The following CTDSPL2 variants were observed in gnomAD, a reference collection of about 807,000 sequenced individuals.
CTDSPL2 encodes the protein CTD small phosphatase-like protein 2.
In CTDSPL2, 5 loss-of-function variants were observed where a neutral mutation model predicts 60.0. That is an observed-to-expected ratio of 0.08 (90% CI 0.04 to 0.18). The LOEUF (loss-of-function observed/expected upper bound fraction) is 0.18. Ranked by LOEUF, CTDSPL2 falls within the 10% of genes least tolerant of loss-of-function variation. The pLI is 1.00. For missense variants in CTDSPL2, 370 were observed against 548.8 expected (o/e 0.67, Z 3.26); for synonymous variants, 186 against 189.3 (o/e 0.98, Z 0.14).
At chr15:44,471,629 T>C (rs1277815626) in intron 2 of CTDSPL2, among the ~76,000 whole-genome samples, 3 of 152,166 alleles carry the variant, frequency 2.0e-5, no homozygotes, top group Non-Finnish European at 4.4e-5. Flanking sequence ...GGCACAGCAC[T>C]ATGTTGTATA....
At position 44,466,494 on chromosome 15, in the gene CTDSPL2, CAT is replaced by C. The variant is rs1266170940; in HGVS notation, c.186+7295_186+7296del. On this transcript the variant is annotated intron_variant, in intron 2 of 12. Coordinates refer to ENST00000260327, the MANE Select transcript of CTDSPL2 (RefSeq NM_016396.3). ...ACACAAGCATGTATTTATATTTAGT[CAT>C]GTGTCACTTGACAATCTGAAATGCA... is the stretch of plus-strand genomic sequence containing the variant. Among the ~76,000 whole-genome samples, 16 of 152,288 alleles carry C rather than the reference CAT, an allele frequency of 1.1e-4. No individual in the cohort carries two copies. In the East Asian group the frequency reaches 2.5e-3, roughly 24 times the overall value.
chr15:44,514,730 G>A (rs760013670), intron 9 of CTDSPL2, 35 bp from the exon 10 acceptor site: 2 of 1,535,002 alleles, frequency 1.3e-6, no homozygotes, highest in South Asian at 2.3e-5. Context: ...TTTAGACCAT[G>A]TATAATGATT....
At chr15:44,518,069 T>G (rs539855597) in intron 10 of CTDSPL2, among the ~76,000 whole-genome samples, 2 of 152,330 alleles carry the variant, frequency 1.3e-5, no homozygotes, top group Admixed American at 1.3e-4. Context: ...GAGTTTTTAT[T>G]TGTGTGTGTA....
At chr15:44,468,614 A>G (rs755345620) in intron 2 of CTDSPL2, among the ~76,000 whole-genome samples, 49 of 152,176 alleles carry the variant, frequency 3.2e-4, no homozygotes, top group Admixed American at 1.2e-3. Flanking sequence ...ATTTCAGGTA[A>G]GAAATATTTT....
intron 1 of CTDSPL2, among the ~76,000 whole-genome samples, chr15:44,443,488 A>G (rs932631054): frequency 6.6e-6 from 1 of 152,220 alleles, no homozygotes; most frequent in African/African-American, 2.4e-5. Flanking sequence ...GCCACTTTCC[A>G]CAGCAGCTTT....
intron 2 of CTDSPL2, among the ~76,000 whole-genome samples, chr15:44,476,269 T>C (rs540488666): frequency 8.6e-5 from 13 of 152,046 alleles, no homozygotes; most frequent in Admixed American, 3.9e-4. Flanking sequence ...GGGGTTTCAC[T>C]GTTAGCCAGG....
At chr15:44,440,627 T>C (rs1595695962) in intron 1 of CTDSPL2, among the ~76,000 whole-genome samples, 2 of 152,198 alleles carry the variant, frequency 1.3e-5, no homozygotes, top group Non-Finnish European at 2.9e-5. Flanking sequence ...AATTTACTCA[T>C]CTTTGCAAAA....
chr15:44,499,872 CT>C, intron 8 of CTDSPL2, 59 bp downstream of exon 8: 1 of 952,912 alleles, frequency 1.0e-6, no homozygotes, highest in Non-Finnish European at 1.7e-6. Context: ...ATAAAAAAAA[CT>C]TTTGTATTTT....
intron 5 of CTDSPL2, among the ~76,000 whole-genome samples, chr15:44,494,499 C>G (rs2081265140): frequency 6.6e-6 from 1 of 151,856 alleles, no homozygotes; most frequent in Admixed American, 6.6e-5. Context: ...GTAGTCCCAC[C>G]TACTTGGGAG....
intron 1 of CTDSPL2, among the ~76,000 whole-genome samples, chr15:44,439,909 A>C (rs1446045523): frequency 6.6e-6 from 1 of 152,228 alleles, no homozygotes; most frequent in Non-Finnish European, 1.5e-5. Flanking sequence ...TGGTCTCATA[A>C]AATGAGTTGG....
intron 1 of CTDSPL2, among the ~76,000 whole-genome samples, chr15:44,445,357 T>C (rs1458932180): frequency 6.6e-6 from 1 of 151,794 alleles, no homozygotes; most frequent in Non-Finnish European, 1.5e-5. Context: ...CTAGCAAATT[T>C]TTTTGTATTT....
At chr15:44,496,330 CA>C in intron 5 of CTDSPL2, 49 bp from the exon 6 acceptor site, 3 of 1,173,976 alleles carry the variant, frequency 2.6e-6, no homozygotes, top group Non-Finnish European at 3.8e-6. Flanking sequence ...ATATATATTT[CA>C]TGAAGCATTA....
chr15:44,454,107 T>C (rs1051799065), intron 1 of CTDSPL2, among the ~76,000 whole-genome samples: 6 of 152,222 alleles, frequency 3.9e-5, no homozygotes, highest in African/African-American at 7.2e-5. Context: ...GACTTTTTAA[T>C]GATCGCCATT....
chr15:44,444,761 A>G (rs1439435263), intron 1 of CTDSPL2, among the ~76,000 whole-genome samples: 2 of 134,710 alleles, frequency 1.5e-5, no homozygotes, highest in Admixed American at 7.6e-5. Flanking sequence ...GTTTAGATAT[A>G]TAGTTTTCCC....
chr15:44,480,832 GA>G (rs1480625893), intron 2 of CTDSPL2, among the ~76,000 whole-genome samples: 1 of 151,230 alleles, frequency 6.6e-6, no homozygotes, highest in Non-Finnish European at 1.5e-5. Context: ...CTGCCTCCAT[GA>G]AAAAAAGAAA....
At chr15:44,460,704 A>G (rs889955429) in intron 2 of CTDSPL2, among the ~76,000 whole-genome samples, 1 of 151,848 alleles carries the variant, frequency 6.6e-6, no homozygotes, top group African/African-American at 2.4e-5. Flanking sequence ...TGGTGGTTTT[A>G]TTTTTTGTTT....
In CTDSPL2 at chr15:44,524,892, T is replaced by C. The variant is rs2081848287; in HGVS notation, c.*718T>C. On this transcript the variant is annotated 3_prime_UTR_variant, in exon 13 of 13. Transcript: ENST00000260327. ...ATATTTTGTTTCTGTAATATTCTACTGTAGGTGAAATCTTTTCAAAAATCA... is the reference window on the plus strand; with the variant it reads ...ATATTTTGTTTCTGTAATATTCTACCGTAGGTGAAATCTTTTCAAAAATCA... 6.5e-6 allele frequency: 1 copy of C among 152,932 alleles called. No homozygotes were observed. Among genetic ancestry groups the C allele is most frequent in the South Asian group, 2.1e-4 (1 of 4,842 alleles). The allele number at this position is 152,932 out of a possible 1,614,324, so 9.5% of individuals were successfully genotyped here.
rs1431922321 is a variant in CTDSPL2, at chr15:44,524,823, C to T, written c.*649C>T. 6.6e-6 allele frequency: 1 copy of T among 152,600 alleles called. No homozygotes were observed. The highest frequency in any genetic ancestry group is 2.4e-5 in the African/African-American group (1 of 41,422). The allele number at this position is 152,600 out of a possible 1,614,324, so 9.5% of individuals were successfully genotyped here. A position where few individuals can be genotyped will look rare whatever the true frequency, so the allele number is the denominator to read the frequency against. The stretch of plus-strand genomic sequence containing the variant: ...TTGTATATTTGTTTAAAAATATTCT[C>T]TACTTTTAGTCTATGTAAGTTTCAT... On this transcript the variant is annotated 3_prime_UTR_variant, in exon 13 of 13. Coordinates refer to ENST00000260327, the MANE Select transcript of CTDSPL2 (RefSeq NM_016396.3).
At chr15:44,458,315 G>A (rs1447712432) in intron 1 of CTDSPL2, among the ~76,000 whole-genome samples, 1 of 152,092 alleles carries the variant, frequency 6.6e-6, no homozygotes, top group Admixed American at 6.6e-5. Context: ...TCTAAGTGTT[G>A]GGACAGTTTT....
Sources: allele counts gnomAD v4.1 joint callset (sites outside exome capture counted in the v4.1 genomes callset), GRCh38; gene constraint gnomAD v4.1.1; transcripts MANE v1.5; gene names NCBI Gene and HGNC (gene_info 2026-07-23, HGNC 2026-07-21).